Variants in CLASP2 observed in about 807,000 individuals in gnomAD.
The protein encoded by CLASP2 is cytoplasmic linker associated protein 2.
Under a neutral mutation model 194.4 loss-of-function variants are expected in CLASP2, and 47 were observed. The observed-to-expected ratio is 0.24, with a 90% CI of 0.19 to 0.31. CLASP2 has a LOEUF of 0.31. Among genes scored for constraint, CLASP2 ranks in the 10% least tolerant of loss-of-function variants. CLASP2 has a pLI of 1.00. For missense variants in CLASP2, 1,445 were observed against 1,823.6 expected (o/e 0.79, Z 3.78); for synonymous variants, 619 against 633.5 (o/e 0.98, Z 0.34).
At chr3:33,686,587 A>C (rs1322258706) in intron 5 of CLASP2, among the ~76,000 whole-genome samples, 2 of 152,190 alleles carry the variant, frequency 1.3e-5, no homozygotes, top group African/African-American at 4.8e-5. Context: ...CCCTGGTGCC[A>C]AAAAGGTTGG....
At chr3:33,569,032 T>C (rs1320695927) in intron 26 of CLASP2, among the ~76,000 whole-genome samples, 1 of 152,188 alleles carries the variant, frequency 6.6e-6, no homozygotes, top group Non-Finnish European at 1.5e-5. Flanking sequence ...CCATTACATT[T>C]GTCTTCACAG....
At chr3:33,598,770 AC>A (rs2071202548) in intron 18 of CLASP2, among the ~76,000 whole-genome samples, 2 of 152,208 alleles carry the variant, frequency 1.3e-5, no homozygotes, top group Non-Finnish European at 1.5e-5. Context: ...CCTCATTGAA[AC>A]TATATTTTCT....
chr3:33,606,648 C>G lies in CLASP2; in HGVS notation c.1637G>C (p.Ser546Thr). The G allele has an allele frequency of 6.2e-7, 1 of 1,613,732 alleles. No homozygotes were observed. Among genetic ancestry groups the G allele is most frequent in the South Asian group, 1.1e-5 (1 of 91,076 alleles). The part of the protein sequence containing the change: ...SLQTYLKSSG[S>T]VASLPQSDRS... ...GTCTGATTGTGGAAGAGATGCTACA[C>G]TGCCAGAACTCTTTAAGTAAGTTTG... The change falls in exon 16 of 39, where the codon AGT (serine) becomes ACT (threonine). Residue 546 changes from serine (S) to threonine (T), a missense_variant. Ser to Thr is a moderately conservative substitution (Grantham distance 58). Coordinates refer to ENST00000682230, the MANE Select transcript of CLASP2 (RefSeq NM_001365631.1).
chr3:33,688,745 A>C (rs954253228), intron 3 of CLASP2, among the ~76,000 whole-genome samples: 4 of 152,180 alleles, frequency 2.6e-5, no homozygotes, highest in African/African-American at 9.6e-5. Flanking sequence ...AAGTGGTCCA[A>C]CATTGCCTAG....
chr3:33,569,301 C>A (rs1195276586), intron 26 of CLASP2, among the ~76,000 whole-genome samples: 1 of 152,178 alleles, frequency 6.6e-6, no homozygotes, highest in Non-Finnish European at 1.5e-5. Context: ...AACCAAACTG[C>A]ATTACTGACT....
At chr3:33,516,420 C>G (rs945072256) in intron 35 of CLASP2, among the ~76,000 whole-genome samples, 7 of 152,182 alleles carry the variant, frequency 4.6e-5, no homozygotes, top group Non-Finnish European at 8.8e-5. Context: ...GTAATCCCAG[C>G]TCTTTGGAAG....
At chr3:33,594,842 TAA>T (rs1486086685) in intron 20 of CLASP2, 107 bp downstream of exon 20, 5 of 542,608 alleles carry the variant, frequency 9.2e-6, no homozygotes, top group African/African-American at 5.9e-5. Context: ...TGGCAAATTA[TAA>T]AGAGTTGCAA....
intron 27 of CLASP2, chr3:33,563,981 A>G (rs935379660): frequency 2.9e-5 from 13 of 447,230 alleles, no homozygotes; most frequent in Non-Finnish European, 5.8e-5. Flanking sequence ...AGAATTTACT[A>G]TTCAAGTCCT....
chr3:33,549,742 CT>C (rs139359537), intron 30 of CLASP2, among the ~76,000 whole-genome samples: 427 of 142,082 alleles, frequency 3.0e-3, no homozygotes, highest in Non-Finnish European at 3.1e-3. Flanking sequence ...TACTTTTTTT[CT>C]TTTTTTTTTT....
At chr3:33,510,453 C>T (rs966804063) in intron 37 of CLASP2, 105 bp downstream of exon 37, 21 of 1,034,684 alleles carry the variant, frequency 2.0e-5, no homozygotes, top group East Asian at 1.8e-4. Context: ...TGCAGACAAA[C>T]GGGAGGAAGG....
intron 23 of CLASP2, among the ~76,000 whole-genome samples, chr3:33,580,638 A>G (rs1042590291): frequency 5.3e-5 from 8 of 152,162 alleles, no homozygotes; most frequent in Admixed American, 4.6e-4. Flanking sequence ...ATTCCACTGG[A>G]TAAGTAGAAC....
At chr3:33,709,486 T>C (rs2092894829) in intron 1 of CLASP2, among the ~76,000 whole-genome samples, 1 of 152,092 alleles carries the variant, frequency 6.6e-6, no homozygotes, top group African/African-American at 2.4e-5. Context: ...ACAAGGGTAC[T>C]TATAAGGAGG....
intron 7 of CLASP2, among the ~76,000 whole-genome samples, chr3:33,658,148 A>G (rs9847845): frequency 0.43 from 65,570 of 151,948 alleles, 14,482 homozygotes; most frequent in Admixed American, 0.53. Flanking sequence ...AATACCAAAC[A>G]CACATTTGGG....
intron 6 of CLASP2, among the ~76,000 whole-genome samples, chr3:33,667,463 T>C (rs2086411603): frequency 6.8e-6 from 1 of 147,254 alleles, no homozygotes; most frequent in African/African-American, 2.6e-5. Flanking sequence ...TCCCATAATA[T>C]GAGTTTTCTT....
chr3:33,528,488 ATGG>A (rs1438727111), intron 34 of CLASP2, among the ~76,000 whole-genome samples: 1 of 152,184 alleles, frequency 6.6e-6, no homozygotes, highest in African/African-American at 2.4e-5. Flanking sequence ...CAGGTCAGGC[ATGG>A]TGGCTCACAT....
At chr3:33,572,845 TA>T (rs1560095611) in intron 25 of CLASP2, among the ~76,000 whole-genome samples, 1 of 151,840 alleles carries the variant, frequency 6.6e-6, no homozygotes, top group African/African-American at 2.4e-5. Context: ...AATAACATTT[TA>T]AATTTAATTT....
chr3:33,562,822 A>C (rs1416778800), intron 27 of CLASP2, among the ~76,000 whole-genome samples: 1 of 152,172 alleles, frequency 6.6e-6, no homozygotes, highest in Non-Finnish European at 1.5e-5. Flanking sequence ...GAATTACATG[A>C]CCTGCCCAAT....
chr3:33,675,957 T>C (rs1423895355), intron 6 of CLASP2, among the ~76,000 whole-genome samples: 7 of 151,332 alleles, frequency 4.6e-5, no homozygotes, highest in Non-Finnish European at 8.9e-5. Flanking sequence ...TGGAAGAACA[T>C]TCCATGCTCA....
At chr3:33,558,103 C>T (rs980929198) in intron 29 of CLASP2, among the ~76,000 whole-genome samples, 15 of 152,228 alleles carry the variant, frequency 9.9e-5, no homozygotes, top group African/African-American at 3.6e-4. Context: ...AGGTAAGATG[C>T]AGATTTACTG....
Sources: gnomAD v4.1 joint callset for allele counts (sites outside exome capture counted in the v4.1 genomes callset) on GRCh38, gnomAD v4.1.1 for gene constraint, MANE v1.5 for transcripts, NCBI Gene and HGNC (gene_info 2026-07-23, HGNC 2026-07-21) for gene names.